Variants in NKAIN2 observed in about 807,000 individuals in gnomAD.
NKAIN2 encodes sodium/potassium transporting ATPase interacting 2.
In NKAIN2, 14 loss-of-function variants were observed where a neutral mutation model predicts 32.6. The observed-to-expected ratio is 0.43, with a 90% CI of 0.28 to 0.67. The LOEUF is 0.67. Among genes scored for constraint, NKAIN2 ranks in the 30% least tolerant of loss-of-function variants. The pLI is 0.17. For missense variants in NKAIN2, 198 were observed against 258.3 expected (o/e 0.77, Z 1.60); for synonymous variants, 80 against 87.2 (o/e 0.92, Z 0.46).
At chr6:124,157,448 T>C (rs1337786559) in intron 1 of NKAIN2, among the ~76,000 whole-genome samples, 1 of 152,206 alleles carries the variant, frequency 6.6e-6, no homozygotes, top group Non-Finnish European at 1.5e-5. Flanking sequence ...AAAGTAATCC[T>C]ATAAGAGGTA....
chr6:123,994,695 A>G (rs542428991), intron 1 of NKAIN2, among the ~76,000 whole-genome samples: 91 of 152,112 alleles, frequency 6.0e-4, no homozygotes, highest in South Asian at 2.5e-3. Flanking sequence ...CCTGTATTTA[A>G]ACAGCAAGGT....
At chr6:123,987,890 T>C (rs1582889704) in intron 1 of NKAIN2, among the ~76,000 whole-genome samples, 1 of 152,190 alleles carries the variant, frequency 6.6e-6, no homozygotes. Context: ...GCCCATCATA[T>C]TCATAGGTGT....
intron 3 of NKAIN2, among the ~76,000 whole-genome samples, chr6:124,419,281 G>A (rs896749740): frequency 6.6e-6 from 1 of 152,066 alleles, no homozygotes; most frequent in Admixed American, 6.5e-5. Flanking sequence ...TAATCTCATG[G>A]TCTAGAAGCA....
At chr6:124,781,629 C>T (rs1187928850) in intron 4 of NKAIN2, among the ~76,000 whole-genome samples, 3 of 152,098 alleles carry the variant, frequency 2.0e-5, no homozygotes, top group Admixed American at 2.0e-4. Flanking sequence ...GAAATCCCTT[C>T]AGTCTGAGGT....
chr6:124,651,347 T>C (rs143149542), intron 3 of NKAIN2, among the ~76,000 whole-genome samples: 1 of 152,276 alleles, frequency 6.6e-6, no homozygotes, highest in Non-Finnish European at 1.5e-5. Context: ...CCCACTACTG[T>C]GGCTCCATCA....
At chr6:123,927,926 T>C (rs566942985) in intron 1 of NKAIN2, among the ~76,000 whole-genome samples, 2 of 152,278 alleles carry the variant, frequency 1.3e-5, no homozygotes, top group East Asian at 3.9e-4. Flanking sequence ...CAGTGGTGGC[T>C]GGGAAGTGTA....
chr6:124,528,347 A>G (rs1413952942), intron 3 of NKAIN2, among the ~76,000 whole-genome samples: 1 of 152,214 alleles, frequency 6.6e-6, no homozygotes, highest in Non-Finnish European at 1.5e-5. Context: ...GCTGATTGAC[A>G]TATTTTCTGT....
chr6:123,961,702 T>C (rs1467409628), intron 1 of NKAIN2, among the ~76,000 whole-genome samples: 2 of 152,214 alleles, frequency 1.3e-5, no homozygotes, highest in African/African-American at 4.8e-5. Flanking sequence ...ATCTATTTTC[T>C]CTTTTTGATA....
intron 3 of NKAIN2, among the ~76,000 whole-genome samples, chr6:124,434,044 T>A (rs1775334330): frequency 6.6e-6 from 1 of 152,174 alleles, no homozygotes; most frequent in Non-Finnish European, 1.5e-5. Context: ...TCTGATGCAG[T>A]GGCAGTGAGC....
At chr6:124,793,287 T>G (rs1238489476) in intron 5 of NKAIN2, among the ~76,000 whole-genome samples, 2 of 152,134 alleles carry the variant, frequency 1.3e-5, no homozygotes, top group Non-Finnish European at 2.9e-5. Flanking sequence ...AGGTTGAGTT[T>G]GAGGTACCTA....
intron 1 of NKAIN2, among the ~76,000 whole-genome samples, chr6:123,867,287 C>T (rs1464664942): frequency 1.3e-5 from 2 of 152,112 alleles, no homozygotes; most frequent in Admixed American, 6.5e-5. Flanking sequence ...GCCACTTATG[C>T]CATTAAGAAC....
At chr6:123,804,868 T>TA (rs1010618812) in intron 1 of NKAIN2, among the ~76,000 whole-genome samples, 7 of 152,202 alleles carry the variant, frequency 4.6e-5, no homozygotes, top group African/African-American at 1.7e-4. Context: ...ACCATTGTCA[T>TA]AGACGGAACC....
chr6:124,118,591 A>G (rs533231909), intron 1 of NKAIN2, among the ~76,000 whole-genome samples: 62 of 152,262 alleles, frequency 4.1e-4, no homozygotes, highest in Middle Eastern at 3.4e-3. Context: ...AATAAAAATT[A>G]TTGTAGGCAT....
Position 124,596,663 on chromosome 6 carries a change from G to GGTGTGTGT in NKAIN2, c.274-61492_274-61485dup, listed in dbSNP as rs9321001. Among the ~76,000 whole-genome samples, 694 of 142,594 alleles carry GGTGTGTGT rather than the reference G, an allele frequency of 4.9e-3. 6 individuals carry two copies. Among genetic ancestry groups the GGTGTGTGT allele is most frequent in the East Asian group, 0.013 (66 of 4,924 alleles). 93.5% of individuals were successfully genotyped at this position (142,594 alleles called of 152,430 possible). ...GAGAAACAGAACAAATAAACCATAG[G>GGTGTGTGT]GTGTGTGTGTGTGTGTGTGTGTGTG... On this transcript the variant is annotated intron_variant, in intron 3 of 6. Coordinates refer to ENST00000368417, the MANE Select transcript of NKAIN2 (RefSeq NM_001040214.3).
chr6:124,545,040 T>C (rs1311968176), intron 3 of NKAIN2, among the ~76,000 whole-genome samples: 1 of 152,188 alleles, frequency 6.6e-6, no homozygotes, highest in African/African-American at 2.4e-5. Flanking sequence ...GCCTTAAAAC[T>C]CTTTTCTTAT....
At chr6:123,830,017 T>C (rs1774311217) in intron 1 of NKAIN2, among the ~76,000 whole-genome samples, 1 of 152,168 alleles carries the variant, frequency 6.6e-6, no homozygotes, top group African/African-American at 2.4e-5. Flanking sequence ...ACTAAAATCT[T>C]GGAAATGAAA....
chr6:123,804,668 T>G (rs1341813234), intron 1 of NKAIN2, among the ~76,000 whole-genome samples: 3 of 152,194 alleles, frequency 2.0e-5, no homozygotes, highest in Non-Finnish European at 4.4e-5. Flanking sequence ...AGTATCTTTG[T>G]TTCTTCATAG....
intron 3 of NKAIN2, among the ~76,000 whole-genome samples, chr6:124,628,029 TCATA>T (rs1382368425): frequency 1.3e-5 from 2 of 152,130 alleles, no homozygotes; most frequent in African/African-American, 2.4e-5. Flanking sequence ...ATTCGCATAT[TCATA>T]CATTCACACT....
chr6:124,079,722 CTG>C (rs924853082), intron 1 of NKAIN2, among the ~76,000 whole-genome samples: 2 of 152,054 alleles, frequency 1.3e-5, no homozygotes, highest in African/African-American at 2.4e-5. Flanking sequence ...AGATCACAGG[CTG>C]TGTCAGTTTA....
Sources: gnomAD v4.1 joint callset for allele counts (sites outside exome capture counted in the v4.1 genomes callset) on GRCh38, gnomAD v4.1.1 for gene constraint, MANE v1.5 for transcripts, NCBI Gene and HGNC (gene_info 2026-07-23, HGNC 2026-07-21) for gene names.